The following IL6R variants were observed in gnomAD, a reference collection of about 807,000 sequenced individuals.
IL6R encodes the protein interleukin 6 receptor, also known as interleukin-6 receptor subunit alpha.
In IL6R, 38 loss-of-function variants were observed where a neutral mutation model predicts 48.3. The ratio of observed to expected loss-of-function variants is 0.79; its 90% CI spans 0.61 to 1.03. The LOEUF (loss-of-function observed/expected upper bound fraction) is 1.03, where lower values mean the gene tolerates loss of function less well. IL6R is among the 50% of genes least tolerant of loss of function. The probability of loss-of-function intolerance (pLI) is 0.00; values close to 1 mark genes in which losing one functional copy is unlikely to be tolerated. For synonymous variants in IL6R, 264 were observed against 256.2 expected (o/e 1.03, Z -0.29); for missense variants, 534 against 618.3 (o/e 0.86, Z 1.45).
At chr1:154,439,350 T>C (rs1278172267) in intron 6 of IL6R, among the ~76,000 whole-genome samples, 2 of 152,254 alleles carry the variant, frequency 1.3e-5, no homozygotes, top group Admixed American at 1.3e-4. Context: ...AGTCTCGCTC[T>C]GTCGCCCAGG....
At chr1:154,453,606 C>G (rs1355065747) in intron 8 of IL6R, among the ~76,000 whole-genome samples, 1 of 152,206 alleles carries the variant, frequency 6.6e-6, no homozygotes, top group Non-Finnish European at 1.5e-5. Flanking sequence ...CTGGTTTGTT[C>G]TTTCCTTCAT....
intron 9 of IL6R, among the ~76,000 whole-genome samples, chr1:154,455,571 G>A (rs1406168283): frequency 6.7e-6 from 1 of 150,038 alleles, no homozygotes; most frequent in Non-Finnish European, 1.5e-5. Context: ...TCCTGCCTCA[G>A]CCTCCTGAGT....
intron 1 of IL6R, among the ~76,000 whole-genome samples, chr1:154,426,785 A>G (rs1201806031): frequency 6.6e-6 from 1 of 152,198 alleles, no homozygotes. Flanking sequence ...TCGCAATGCT[A>G]AAAATATATT....
chr1:154,442,917 T>A (rs1690019969), intron 6 of IL6R, among the ~76,000 whole-genome samples: 1 of 151,964 alleles, frequency 6.6e-6, no homozygotes. Flanking sequence ...TAGGCATGCA[T>A]CACGATGCCC....
At chr1:154,456,704 C>T (rs946170832) in intron 9 of IL6R, among the ~76,000 whole-genome samples, 3 of 152,102 alleles carry the variant, frequency 2.0e-5, no homozygotes, top group African/African-American at 7.2e-5. Context: ...CACTTTGGGA[C>T]CCACTTGAGT....
intron 1 of IL6R, among the ~76,000 whole-genome samples, chr1:154,426,279 G>C (rs1688963382): frequency 1.3e-5 from 2 of 152,124 alleles, no homozygotes. Context: ...GGGAGGCCGA[G>C]GCGGGTGGAT....
intron 1 of IL6R, among the ~76,000 whole-genome samples, chr1:154,423,124 C>A (rs953132980): frequency 6.6e-6 from 1 of 151,642 alleles, no homozygotes; most frequent in Non-Finnish European, 1.5e-5. Flanking sequence ...TGAAGGTGCT[C>A]GGAAGCTGCT....
Position 154,467,355 on chromosome 1 carries a change from A to G in IL6R, c.*1975A>G, listed in dbSNP as rs1215291633. On this transcript the variant is annotated 3_prime_UTR_variant, in exon 10 of 10. Transcript: ENST00000368485. ...TATCAGGGTATTCCAGAGTGGGGAT[A>G]TGATTTAAATCAGCCGTGTAACCAT... 6.6e-6 allele frequency: 1 copy of G among 152,202 alleles called. No homozygotes were observed. The highest frequency in any genetic ancestry group is 1.5e-5 in the Non-Finnish European group (1 of 68,036). 9.4% of individuals were successfully genotyped at this position (152,202 alleles called of 1,614,324 possible).
At position 154,425,696 on chromosome 1, in the gene IL6R, C is replaced by T. The variant is rs1309388775; in HGVS notation, c.86-3500C>T. On this transcript the variant is annotated intron_variant, in intron 1 of 9. Transcript: ENST00000368485. ...AGCTGCGGTGGGAGGATCAGTTGAGCCCAGGAATTAGAAGTTGCAGTGAAC... is the reference window on the plus strand; with the variant it reads ...AGCTGCGGTGGGAGGATCAGTTGAGTCCAGGAATTAGAAGTTGCAGTGAAC... 7.9e-5 allele frequency among the ~76,000 whole-genome samples: 12 copies of T among 151,676 alleles called. No homozygotes were observed. In the East Asian group the frequency reaches 1.9e-3, roughly 24 times the overall value.
chr1:154,465,908 TA>T lies in IL6R; in HGVS notation c.*531del, dbSNP rs1691532452. The T allele has an allele frequency of 6.4e-6, 1 of 156,428 alleles. No individual in the cohort carries two copies. The highest frequency in any genetic ancestry group is 1.4e-5 in the Non-Finnish European group (1 of 70,286). 9.7% of individuals were successfully genotyped at this position (156,428 alleles called of 1,614,324 possible). On this transcript the variant is annotated 3_prime_UTR_variant, in exon 10 of 10. Coordinates refer to ENST00000368485, the MANE Select transcript of IL6R (RefSeq NM_000565.4). Reference sequence around the variant, plus strand: ...TCTAGGCCTGGGGACGGCTTTTACTTAAACCGCCAAGGCTGGGGGAAGAAGC... The same window carrying T: ...TCTAGGCCTGGGGACGGCTTTTACTTAACCGCCAAGGCTGGGGGAAGAAGC...
chr1:154,453,309 G>A (rs912895684), intron 8 of IL6R, among the ~76,000 whole-genome samples: 1 of 152,242 alleles, frequency 6.6e-6, no homozygotes, highest in Non-Finnish European at 1.5e-5. Flanking sequence ...AGAGACATGG[G>A]ACATGCTTGG....
chr1:154,432,263 A>G (rs1689334202), intron 3 of IL6R, among the ~76,000 whole-genome samples: 2 of 152,160 alleles, frequency 1.3e-5, no homozygotes, highest in South Asian at 4.1e-4. Flanking sequence ...GGCTTGTACC[A>G]TAGATAGGAT....
chr1:154,454,191 T>C (rs969368309), intron 8 of IL6R: 1 of 446,952 alleles, frequency 2.2e-6, no homozygotes, highest in African/African-American at 2.0e-5. Context: ...AGTCTGTGGC[T>C]AGCCACAGGC....
chr1:154,408,249 T>C (rs1687840680), intron 1 of IL6R, among the ~76,000 whole-genome samples: 1 of 152,200 alleles, frequency 6.6e-6, no homozygotes, highest in Admixed American at 6.5e-5. Context: ...AATGGTGTCA[T>C]TGAGGAACTG....
At chr1:154,439,345 C>T (rs916014024) in intron 6 of IL6R, among the ~76,000 whole-genome samples, 1 of 152,150 alleles carries the variant, frequency 6.6e-6, no homozygotes. Context: ...GACGGAGTCT[C>T]GCTCTGTCGC....
At chr1:154,436,198 C>G in intron 6 of IL6R, 88 bp downstream of exon 6, 1 of 1,441,460 alleles carries the variant, frequency 6.9e-7, no homozygotes, top group Non-Finnish European at 9.4e-7. Flanking sequence ...TGCCTCAAAA[C>G]TAGTGGCTTA....
At chr1:154,457,967 C>CTTTTCTTTT (rs1690990841) in intron 9 of IL6R, among the ~76,000 whole-genome samples, 1 of 91,696 alleles carries the variant, frequency 1.1e-5, no homozygotes, top group African/African-American at 3.1e-5. Context: ...TTTTCTTTTT[C>CTTTTCTTTT]TTTTTTTTTT....
chr1:154,434,800 T>C, intron 4 of IL6R, 100 bp downstream of exon 4: 6 of 1,316,224 alleles, frequency 4.6e-6, no homozygotes, highest in Non-Finnish European at 5.3e-6. Flanking sequence ...GGTTGAGGGG[T>C]TTGGTGAGTT....
chr1:154,434,461 C>T (rs549033254), intron 3 of IL6R, 58 bp from the exon 4 acceptor site: 56 of 1,489,968 alleles, frequency 3.8e-5, no homozygotes, highest in Non-Finnish European at 4.6e-5. Flanking sequence ...CCTTCTGTCC[C>T]GTCTTGAGTC....
Sources: allele counts gnomAD v4.1 joint callset (sites outside exome capture counted in the v4.1 genomes callset), GRCh38; gene constraint gnomAD v4.1.1; transcripts MANE v1.5; gene names NCBI Gene and HGNC (gene_info 2026-07-23, HGNC 2026-07-21).